The following ADAM29 variants were observed in gnomAD, a reference collection of about 807,000 sequenced individuals.
The protein encoded by ADAM29 is disintegrin and metalloproteinase domain-containing protein 29.
For synonymous variants in ADAM29, 367 were observed against 342.3 expected (o/e 1.07, Z -0.80); for missense variants, 969 against 1,001.8 (o/e 0.97, Z 0.44).
chr4:174,974,677 CATT>C (rs1430241901), intron 4 of ADAM29, among the ~76,000 whole-genome samples: 2 of 152,094 alleles, frequency 1.3e-5, no homozygotes, highest in African/African-American at 4.8e-5. Flanking sequence ...TCAAGTCAAC[CATT>C]ATTTATTACA....
chr4:174,925,150 A>G (rs1263591972), intron 2 of ADAM29, among the ~76,000 whole-genome samples: 1 of 152,228 alleles, frequency 6.6e-6, no homozygotes, highest in Non-Finnish European at 1.5e-5. Context: ...AGAAGCTGAA[A>G]AAGACATGAC....
Position 174,976,969 on chromosome 4 carries a change from G to C in ADAM29, c.1444G>C (p.Glu482Gln). 2 of 1,614,124 alleles carry C rather than the reference G, an allele frequency of 1.2e-6. No homozygotes were observed. Among genetic ancestry groups the C allele is most frequent in the Non-Finnish European group, 1.7e-6 (2 of 1,180,020 alleles). Residue 482 changes from glutamate (E) to glutamine (Q), a missense_variant, in exon 5 of 5, where the codon GAA (glutamate) becomes CAA (glutamine). Coordinates refer to ENST00000359240, the MANE Select transcript of ADAM29 (RefSeq NM_014269.4). ...TAAGTGCCCAGATGACTTTTATGTG[G>C]AAGATGGAATTCCCTGTAAGGAGAG... is the stretch of plus-strand genomic sequence containing the variant. ...SHKCPDDFYV[E>Q]DGIPCKERGY... is the part of the protein sequence containing the mutation.
At chr4:174,918,747 T>TA (rs139065126) in intron 1 of ADAM29, among the ~76,000 whole-genome samples, 10,669 of 150,426 alleles carry the variant, frequency 0.071, 535 homozygotes, top group Non-Finnish European at 0.11. Context: ...TCTCTAAATT[T>TA]AAAAAAAAGA....
At chr4:174,949,832 C>T (rs1745071062) in intron 4 of ADAM29, among the ~76,000 whole-genome samples, 1 of 152,004 alleles carries the variant, frequency 6.6e-6, no homozygotes, top group Non-Finnish European at 1.5e-5. Context: ...TAATCCTTTC[C>T]CCCTCACTTT....
rs547257827 is a variant in ADAM29, at chr4:174,933,922, C to T, written c.-262+2748C>T. ...TCTGTGTCTCTACTATTGTGAATAG[C>T]GCTGCAATGAACATAGGTGTTCTTG... On this transcript the variant is annotated intron_variant, in intron 3 of 4. Transcript: ENST00000359240. Among the ~76,000 whole-genome samples, 388 of 152,188 alleles carry T rather than the reference C, an allele frequency of 2.5e-3. 2 individuals are homozygous for T. Among genetic ancestry groups the T allele is most frequent in the Admixed American group, 9.5e-3 (145 of 15,280 alleles).
rs557739667 is a variant in ADAM29, at chr4:174,976,088, G to C, written c.563G>C (p.Ser188Thr). The stretch of plus-strand genomic sequence containing the variant: ...ATTGATAATTCCACTCAGAAGCAAA[G>C]TTCTTATGTGGGCTGGTGGATCCAT... ...EEIDNSTQKQ[S>T]SYVGWWIHFR... Residue 188 changes from serine to threonine, a missense_variant, in exon 5 of 5, where the codon AGT (serine) becomes ACT (threonine). Ser to Thr is a moderately conservative substitution (Grantham distance 58, BLOSUM62 1). Transcript: ENST00000359240. 1 of 1,612,100 alleles carries C rather than the reference G, an allele frequency of 6.2e-7. No homozygotes were observed. Among genetic ancestry groups the C allele is most frequent in the East Asian group, 2.2e-5 (1 of 44,882 alleles).
intron 2 of ADAM29, among the ~76,000 whole-genome samples, chr4:174,927,387 T>G (rs551995188): frequency 6.6e-6 from 1 of 152,346 alleles, no homozygotes; most frequent in South Asian, 2.1e-4. Context: ...TGCACCAAAC[T>G]AATATAAAAC....
At chr4:174,934,411 ATC>A (rs1744086777) in intron 3 of ADAM29, among the ~76,000 whole-genome samples, 1 of 151,590 alleles carries the variant, frequency 6.6e-6, no homozygotes, top group Non-Finnish European at 1.5e-5. Flanking sequence ...TTTAATTTTA[ATC>A]TCTATTTTCT....
At chr4:174,937,267 G>A (rs560359514) in intron 4 of ADAM29, among the ~76,000 whole-genome samples, 2 of 151,880 alleles carry the variant, frequency 1.3e-5, no homozygotes, top group Non-Finnish European at 2.9e-5. Context: ...GCTGTTAGCC[G>A]TCTAGGCCAC....
At chr4:174,950,723 C>T (rs1200994928) in intron 4 of ADAM29, among the ~76,000 whole-genome samples, 2 of 152,130 alleles carry the variant, frequency 1.3e-5, no homozygotes, top group African/African-American at 2.4e-5. Flanking sequence ...TATCTCTGTT[C>T]CCACCCAAAT....
At chr4:174,973,225 C>A (rs1746569475) in intron 4 of ADAM29, among the ~76,000 whole-genome samples, 1 of 152,218 alleles carries the variant, frequency 6.6e-6, no homozygotes, top group Non-Finnish European at 1.5e-5. Flanking sequence ...CTCCAACTGA[C>A]AGACGTAATT....
intron 4 of ADAM29, among the ~76,000 whole-genome samples, chr4:174,955,065 A>G (rs967959203): frequency 6.9e-6 from 1 of 144,336 alleles, no homozygotes; most frequent in Non-Finnish European, 1.5e-5. Flanking sequence ...AATGTATGTT[A>G]GTAATAGTAT....
rs200852076 is a variant in ADAM29, at chr4:174,977,592, TTTA to T, written c.2072_2074del (p.Leu691del). 43,127 of 1,613,734 alleles carry T rather than the reference TTTA, an allele frequency of 0.027. 809 individuals are homozygous for T. Among genetic ancestry groups the T allele is most frequent in the Non-Finnish European group, 0.029 (34,526 of 1,179,854 alleles). On this transcript the variant is annotated inframe_deletion, in exon 5 of 5. Transcript: ENST00000359240. ...TATTGTTGCTTATTGTTTTGTTTAT[TTTA>T]TTATGTTGTCTTTATCGACTTTGTA...
intron 2 of ADAM29, among the ~76,000 whole-genome samples, chr4:174,925,862 G>A (rs1221683100): frequency 6.6e-6 from 1 of 152,164 alleles, no homozygotes; most frequent in East Asian, 1.9e-4. Flanking sequence ...GGCACTTTCT[G>A]TTTTCCTTGC....
intron 2 of ADAM29, among the ~76,000 whole-genome samples, chr4:174,924,457 G>C (rs1463363896): frequency 6.6e-6 from 1 of 152,140 alleles, no homozygotes; most frequent in East Asian, 1.9e-4. Context: ...TTATACTCTT[G>C]AATATTAATG....
chr4:174,975,436 C>A lies in ADAM29; in HGVS notation c.-90C>A, dbSNP rs1162426256. On this transcript the variant is annotated 5_prime_UTR_variant, in exon 5 of 5. Transcript: ENST00000359240. ...ACCAACTCAGAAGAAGGAGCCACAC[C>A]ACCTGTGACTCCAGCCCTGACTTCT... is the stretch of plus-strand genomic sequence containing the variant. 16 of 1,308,998 alleles carry A rather than the reference C, an allele frequency of 1.2e-5. No homozygotes were observed. The highest frequency in any genetic ancestry group is 1.6e-5 in the Non-Finnish European group (16 of 977,152). The allele number at this position is 1,308,998 out of a possible 1,614,324, so 81.1% of individuals were successfully genotyped here. A position where few individuals can be genotyped will look rare whatever the true frequency, so the allele number is the denominator to read the frequency against.
chr4:174,964,866 A>G (rs1746058546), intron 4 of ADAM29, among the ~76,000 whole-genome samples: 1 of 151,902 alleles, frequency 6.6e-6, no homozygotes, highest in African/African-American at 2.4e-5. Flanking sequence ...AAAATTCTTT[A>G]TGTATATGTT....
At chr4:174,945,962 T>C (rs1182554435) in intron 4 of ADAM29, among the ~76,000 whole-genome samples, 1 of 152,202 alleles carries the variant, frequency 6.6e-6, no homozygotes, top group Non-Finnish European at 1.5e-5. Flanking sequence ...TAGAATTGCC[T>C]TGACTATTTG....
chr4:174,922,770 T>C (rs564476065), intron 2 of ADAM29, among the ~76,000 whole-genome samples: 150 of 152,178 alleles, frequency 9.9e-4, no homozygotes, highest in Non-Finnish European at 1.8e-3. Context: ...CCCCCCACTA[T>C]CACATTCTTG....
Sources: gnomAD v4.1 joint callset for allele counts (sites outside exome capture counted in the v4.1 genomes callset) on GRCh38, gnomAD v4.1.1 for gene constraint, MANE v1.5 for transcripts, NCBI Gene and HGNC (gene_info 2026-07-23, HGNC 2026-07-21) for gene names.